Variants in SLC25A48 observed in about 807,000 individuals in gnomAD.
SLC25A48 encodes CTC-321K16.1.
A neutral mutation model predicts 32.2 loss-of-function variants in SLC25A48; 29 were observed. That is an observed-to-expected ratio of 0.90 (90% CI 0.67 to 1.23). The LOEUF is 1.23. SLC25A48 is among the 50% of genes most tolerant of loss of function. The pLI, the probability that SLC25A48 is intolerant of heterozygous loss-of-function variation, is 0.00. For missense variants in SLC25A48, 399 were observed against 422.7 expected, an observed-to-expected ratio of 0.94 and a Z score of 0.49; for synonymous variants, 164 against 172.3, an observed-to-expected ratio of 0.95 and a Z score of 0.38.
chr5:135,842,963 CA>C (rs1449160784), intron 2 of SLC25A48, among the ~76,000 whole-genome samples: 1 of 152,236 alleles, frequency 6.6e-6, no homozygotes, highest in Non-Finnish European at 1.5e-5. Flanking sequence ...GACTGCCTTC[CA>C]GATCCATTTC....
chr5:135,724,989 G>T (rs1040370375), intron 3 of SLC25A48, among the ~76,000 whole-genome samples: 11 of 152,362 alleles, frequency 7.2e-5, no homozygotes, highest in African/African-American at 2.6e-4. Flanking sequence ...CTTATCACAA[G>T]AGCTCCTGCC....
chr5:135,668,170 A>G (rs572251838), intron 3 of SLC25A48, among the ~76,000 whole-genome samples: 1 of 152,332 alleles, frequency 6.6e-6, no homozygotes, highest in East Asian at 1.9e-4. Context: ...TCTGGTGTTT[A>G]AAATCTCAAC....
intron 3 of SLC25A48, among the ~76,000 whole-genome samples, chr5:135,786,971 T>TGTGTACACTATGTGTATACACTCTGTGA (rs1756864024): frequency 6.6e-6 from 1 of 151,822 alleles, no homozygotes; most frequent in Non-Finnish European, 1.5e-5. Flanking sequence ...TGTCACAGTG[T>TGTGTACACTATGTGTATACACTCTGTGA]GTGTACACTA....
intron 4 of SLC25A48, among the ~76,000 whole-genome samples, chr5:135,863,646 C>T (rs971953609): frequency 6.6e-6 from 1 of 152,110 alleles, no homozygotes; most frequent in East Asian, 1.9e-4. Flanking sequence ...ATGAAATAGG[C>T]CCACTTATCA....
intron 3 of SLC25A48, chr5:135,714,699 T>G (rs1754753934): frequency 6.6e-6 from 1 of 152,234 alleles, no homozygotes; most frequent in South Asian, 2.1e-4. Context: ...TCTAAATGCT[T>G]TACAGGCATT....
At chr5:135,688,398 G>T (rs979639412) in intron 3 of SLC25A48, among the ~76,000 whole-genome samples, 1 of 151,888 alleles carries the variant, frequency 6.6e-6, no homozygotes, top group Non-Finnish European at 1.5e-5. Context: ...AGATATTCCT[G>T]TAAGAGATTT....
At chr5:135,861,418 A>G (rs1242838857) in intron 4 of SLC25A48, among the ~76,000 whole-genome samples, 2 of 152,104 alleles carry the variant, frequency 1.3e-5, no homozygotes, top group Non-Finnish European at 2.9e-5. Flanking sequence ...ACTTCCACTG[A>G]ACCCAAAAAA....
intron 3 of SLC25A48, among the ~76,000 whole-genome samples, chr5:135,697,805 C>T (rs999195113): frequency 3.9e-5 from 6 of 152,198 alleles, no homozygotes; most frequent in African/African-American, 1.2e-4. Context: ...AATGCATCAG[C>T]AGGCTCCTGG....
chr5:135,667,644 C>T (rs1179076816), intron 3 of SLC25A48, among the ~76,000 whole-genome samples: 1 of 152,196 alleles, frequency 6.6e-6, no homozygotes, highest in African/African-American at 2.4e-5. Context: ...TCCTAAGACT[C>T]CAGTGAATAC....
At chr5:135,859,273 G>A (rs1375284641) in intron 4 of SLC25A48, among the ~76,000 whole-genome samples, 1 of 152,136 alleles carries the variant, frequency 6.6e-6, no homozygotes, top group African/African-American at 2.4e-5. Flanking sequence ...GAGGAGCAAA[G>A]TCACGTCTTA....
At chr5:135,794,288 G>T (rs1757109765) in intron 3 of SLC25A48, among the ~76,000 whole-genome samples, 1 of 151,252 alleles carries the variant, frequency 6.6e-6, no homozygotes, top group African/African-American at 2.4e-5. Context: ...GATATCCTTT[G>T]TGATATTGTT....
At chr5:135,691,462 A>C (rs1754141646) in intron 3 of SLC25A48, among the ~76,000 whole-genome samples, 1 of 152,120 alleles carries the variant, frequency 6.6e-6, no homozygotes, top group Admixed American at 6.5e-5. Flanking sequence ...GTGTTGCTCT[A>C]CATGCTTCCC....
At chr5:135,869,100 A>G (rs767806804) in intron 4 of SLC25A48, among the ~76,000 whole-genome samples, 3 of 152,162 alleles carry the variant, frequency 2.0e-5, no homozygotes, top group Non-Finnish European at 2.9e-5. Context: ...ATCTGGGTAA[A>G]TTGTATGTAT....
intron 3 of SLC25A48, among the ~76,000 whole-genome samples, chr5:135,789,915 A>G (rs1261132039): frequency 1.3e-5 from 2 of 151,976 alleles, no homozygotes; most frequent in African/African-American, 2.4e-5. Flanking sequence ...TCTCCCTACA[A>G]TATTACAAAT....
At chr5:135,769,741 G>A (rs963856631) in intron 3 of SLC25A48, among the ~76,000 whole-genome samples, 3 of 151,258 alleles carry the variant, frequency 2.0e-5, no homozygotes, top group East Asian at 1.9e-4. Context: ...TCCCAATATC[G>A]CAGGACGTGT....
intron 3 of SLC25A48, among the ~76,000 whole-genome samples, chr5:135,698,120 G>A (rs1441990806): frequency 6.6e-6 from 1 of 152,194 alleles, no homozygotes; most frequent in African/African-American, 2.4e-5. Flanking sequence ...AGTTGTCAGT[G>A]CAGGGAGGCC....
rs200081088 is a variant in SLC25A48 at position 135,797,046 on chromosome 5, G to A, written c.-520-15477G>A. The stretch of plus-strand genomic sequence containing the variant: ...AAGGACTAATATTACTCCCAATATC[G>A]AGAGGGGTCTACATCCCTTCTGTGA... On this transcript the variant is annotated intron_variant, in intron 3 of 10. Transcript: ENST00000646290. Among the ~76,000 whole-genome samples the A allele has an allele frequency of 7.6e-4, 116 of 151,798 alleles. 1 individual carries two copies. The East Asian group carries it at 0.013, about 17-fold the overall frequency.
At chr5:135,766,727 C>T (rs1360123239) in intron 3 of SLC25A48, among the ~76,000 whole-genome samples, 1 of 150,952 alleles carries the variant, frequency 6.6e-6, no homozygotes, top group East Asian at 2.0e-4. Context: ...GGTGCTATTA[C>T]TCCTCATATC....
In SLC25A48 at chr5:135,782,680, A is replaced by C. The variant is rs570872023; in HGVS notation, c.-520-29843A>C. 1.0e-3 allele frequency among the ~76,000 whole-genome samples: 124 copies of C among 118,232 alleles called. 14 individuals carry two copies. Among genetic ancestry groups the C allele is most frequent in the African/African-American group, 3.1e-3 (119 of 38,888 alleles). The allele number at this position is 118,232 out of a possible 152,430, so 77.6% of individuals were successfully genotyped here. ...TCCCGTGATATCGTTCCTAATAACC[A>C]GGAAGGGAGAGGATATTACTCCCAA... On this transcript the variant is annotated intron_variant, in intron 3 of 10. Transcript: ENST00000646290.
Sources: gnomAD v4.1 joint callset for allele counts (sites outside exome capture counted in the v4.1 genomes callset) on GRCh38, gnomAD v4.1.1 for gene constraint, MANE v1.5 for transcripts, NCBI Gene and HGNC (gene_info 2026-07-23, HGNC 2026-07-21) for gene names.